Variants in PHF20 observed in about 807,000 individuals in gnomAD.
PHF20 encodes glioma-expressed antigen 2.
In PHF20, 23 loss-of-function variants were observed where a neutral mutation model predicts 113.5. The observed-to-expected ratio is 0.20, with a 90% confidence interval of 0.15 to 0.29. PHF20 has a LOEUF of 0.29. Ranked by LOEUF, PHF20 falls within the 10% of genes least tolerant of loss-of-function variation. The pLI, the probability that PHF20 is intolerant of heterozygous loss-of-function variation, is 1.00. For synonymous variants in PHF20, 434 were observed against 457.3 expected (o/e 0.95, Z 0.65); for missense variants, 943 against 1,219.6 (o/e 0.77, Z 3.38).
intron 1 of PHF20, among the ~76,000 whole-genome samples, chr20:35,791,441 G>GT (rs1201812565): frequency 7.6e-6 from 1 of 131,368 alleles, no homozygotes; most frequent in Non-Finnish European, 1.6e-5. Context: ...TACCAGAATA[G>GT]TATCTATCTA....
chr20:35,883,661 C>G (rs917828690), intron 9 of PHF20, among the ~76,000 whole-genome samples: 6 of 152,150 alleles, frequency 3.9e-5, no homozygotes, highest in African/African-American at 1.4e-4. Flanking sequence ...AGGCTGGTCT[C>G]AAACTCCTGA....
chr20:35,798,139 A>G (rs1190969993), intron 1 of PHF20, among the ~76,000 whole-genome samples: 1 of 152,186 alleles, frequency 6.6e-6, no homozygotes, highest in Non-Finnish European at 1.5e-5. Flanking sequence ...GTGGCTGGGT[A>G]CCATGGCTCA....
At chr20:35,845,461 G>A in intron 3 of PHF20, 2 of 330,450 alleles carry the variant, frequency 6.1e-6, no homozygotes, top group South Asian at 2.3e-5. Flanking sequence ...GACCTCTTGG[G>A]CTCAAGCAAT....
intron 1 of PHF20, among the ~76,000 whole-genome samples, chr20:35,784,172 A>C (rs1349341753): frequency 6.7e-6 from 1 of 149,898 alleles, no homozygotes; most frequent in African/African-American, 2.5e-5. Context: ...TCCTGCCTTA[A>C]CCTCCCGACT....
At chr20:35,839,187 G>A (rs1697361299) in intron 2 of PHF20, among the ~76,000 whole-genome samples, 2 of 151,700 alleles carry the variant, frequency 1.3e-5, no homozygotes, top group Admixed American at 1.3e-4. Flanking sequence ...TCAGGAGATC[G>A]AGACCATCCT....
In PHF20 at chr20:35,917,470, C is replaced by T; in HGVS notation, c.1826-14C>T. The T allele has an allele frequency of 6.2e-7, 1 of 1,607,978 alleles. No individual in the cohort carries two copies. Among genetic ancestry groups the T allele is most frequent in the Non-Finnish European group, 8.5e-7 (1 of 1,175,268 alleles). ...AACCTAAAATAGTAACTGTTGTTTTCCCTTTCCTCGTAGAGGAGGATAATT... is the reference window on the plus strand; with the variant it reads ...AACCTAAAATAGTAACTGTTGTTTTTCCTTTCCTCGTAGAGGAGGATAATT... On this transcript the variant is annotated splice_polypyrimidine_tract_variant and intron_variant, in intron 12 of 17. Coordinates refer to ENST00000374012, the MANE Select transcript of PHF20 (RefSeq NM_016436.5).
At chr20:35,821,633 C>T (rs1361615963) in intron 2 of PHF20, among the ~76,000 whole-genome samples, 2 of 151,990 alleles carry the variant, frequency 1.3e-5, no homozygotes, top group South Asian at 4.1e-4. Context: ...CACTCCATCC[C>T]AGGTGACAGA....
At chr20:35,784,174 C>T (rs927376457) in intron 1 of PHF20, among the ~76,000 whole-genome samples, 5 of 151,564 alleles carry the variant, frequency 3.3e-5, no homozygotes, top group African/African-American at 1.2e-4. Context: ...CTGCCTTAAC[C>T]TCCCGACTAG....
At chr20:35,855,279 C>A in intron 4 of PHF20, 1 of 1,336,968 alleles carries the variant, frequency 7.5e-7, no homozygotes, top group South Asian at 1.2e-5. Flanking sequence ...AAACAGGAAC[C>A]CAGACCTTTG....
rs538103338 is a variant in PHF20, at chr20:35,856,969, C to T, written c.341-1333C>T. Among the ~76,000 whole-genome samples the T allele has an allele frequency of 9.9e-5, 15 of 152,222 alleles. No homozygotes were observed. The South Asian group carries it at 2.9e-3, about 30-fold the overall frequency. ...TTTGGTACCCGTGATTAGCCATTGA[C>T]TAGGCCCTGTTGAGGACTGGCGGTG... is the stretch of plus-strand genomic sequence containing the variant. On this transcript the variant is annotated intron_variant, in intron 4 of 17. Coordinates refer to ENST00000374012, the MANE Select transcript of PHF20 (RefSeq NM_016436.5).
chr20:35,908,870 G>A (rs867049676), intron 10 of PHF20, among the ~76,000 whole-genome samples: 6 of 152,224 alleles, frequency 3.9e-5, no homozygotes, highest in Admixed American at 6.5e-5. Context: ...ATAGATTGTT[G>A]TATATTAACT....
intron 4 of PHF20, 57 bp from the exon 5 acceptor site, chr20:35,858,245 A>T: frequency 1.1e-6 from 1 of 915,404 alleles, no homozygotes; most frequent in Non-Finnish European, 1.8e-6. Context: ...TACTTTGAAA[A>T]GTTACCACTT....
chr20:35,942,301 GC>G (rs2055997988), intron 17 of PHF20, among the ~76,000 whole-genome samples: 1 of 152,084 alleles, frequency 6.6e-6, no homozygotes, highest in South Asian at 2.1e-4. Flanking sequence ...TGTAACTGAT[GC>G]CACTGTCTGT....
intron 15 of PHF20, among the ~76,000 whole-genome samples, chr20:35,934,890 C>T (rs539753219): frequency 6.6e-6 from 1 of 152,198 alleles, no homozygotes; most frequent in East Asian, 1.9e-4. Context: ...AAAACGTAAC[C>T]CCATGTAAAC....
chr20:35,806,857 A>G (rs935429644), intron 2 of PHF20, among the ~76,000 whole-genome samples: 2 of 137,562 alleles, frequency 1.5e-5, no homozygotes, highest in African/African-American at 2.8e-5. Context: ...GTGCAGTGGC[A>G]CGATCTTGGC....
intron 3 of PHF20, among the ~76,000 whole-genome samples, chr20:35,844,075 C>T (rs1428899803): frequency 2.0e-5 from 3 of 151,816 alleles, no homozygotes; most frequent in South Asian, 2.1e-4. Context: ...AGAGTGGGAG[C>T]GGGCTCAAGC....
At position 35,884,092 on chromosome 20, in the gene PHF20, C is replaced by G. The variant is rs568289902; in HGVS notation, c.1282+12263C>G. 7.9e-5 allele frequency among the ~76,000 whole-genome samples: 12 copies of G among 152,168 alleles called. No individual in the cohort carries two copies. The South Asian group carries it at 2.5e-3, about 32-fold the overall frequency. On this transcript the variant is annotated intron_variant, in intron 9 of 17. Coordinates refer to ENST00000374012, the MANE Select transcript of PHF20 (RefSeq NM_016436.5). ...AAACATAGGTTTAGTGGTGTGAGTACAGGACGATCCAGAAAGATTGCTGGG... is the reference window on the plus strand; with the variant it reads ...AAACATAGGTTTAGTGGTGTGAGTAGAGGACGATCCAGAAAGATTGCTGGG...
At chr20:35,901,994 CT>C (rs1342537289) in intron 10 of PHF20, among the ~76,000 whole-genome samples, 1 of 140,100 alleles carries the variant, frequency 7.1e-6, no homozygotes, top group East Asian at 2.0e-4. Flanking sequence ...AGTTTGTGAG[CT>C]AATCTTTTTA....
chr20:35,889,009 C>CTTTTTTTTTTTTT (rs566960589), intron 9 of PHF20, among the ~76,000 whole-genome samples: 2 of 99,204 alleles, frequency 2.0e-5, no homozygotes, highest in African/African-American at 3.6e-5. Flanking sequence ...CTCTTAGTTT[C>CTTTTTTTTTTTTT]TTTTTTTTTT....
Sources: gnomAD v4.1 joint callset for allele counts (sites outside exome capture counted in the v4.1 genomes callset) on GRCh38, gnomAD v4.1.1 for gene constraint, MANE v1.5 for transcripts, NCBI Gene and HGNC (gene_info 2026-07-23, HGNC 2026-07-21) for gene names.